COL21A1: variants seen among roughly 807,000 people sequenced by gnomAD.
The protein encoded by COL21A1 is collagen type XXI alpha 1 chain.
COL21A1 carries 149 observed loss-of-function variants against 137.9 expected under a neutral mutation model. The ratio of observed to expected loss-of-function variants is 1.08; its 90% CI spans 0.95 to 1.24. The LOEUF (loss-of-function observed/expected upper bound fraction) is 1.24. Among genes scored for constraint, COL21A1 ranks in the 50% most tolerant of loss-of-function variants. The pLI is 0.00. For synonymous variants in COL21A1, 456 were observed against 391.5 expected, an observed-to-expected ratio of 1.16 and a Z score of -1.95; for missense variants, 1,167 against 1,158.4, an observed-to-expected ratio of 1.01 and a Z score of -0.11.
chr6:56,107,477 G>A (rs1771055890), intron 16 of COL21A1, among the ~76,000 whole-genome samples: 1 of 151,898 alleles, frequency 6.6e-6, no homozygotes, highest in African/African-American at 2.4e-5. Flanking sequence ...TGGAGTAACT[G>A]GGATTTTAAA....
intron 16 of COL21A1, among the ~76,000 whole-genome samples, chr6:56,108,594 T>G (rs1299098037): frequency 1.3e-5 from 2 of 151,858 alleles, no homozygotes; most frequent in Non-Finnish European, 2.9e-5. Context: ...ACGTAGAAAC[T>G]ACATTCATGA....
chr6:56,317,844 G>C (rs182639905), intron 1 of COL21A1, among the ~76,000 whole-genome samples: 1 of 151,908 alleles, frequency 6.6e-6, no homozygotes. Flanking sequence ...TTGATCTCTT[G>C]GAGTATTTTT....
At chr6:56,193,207 T>A (rs915849870) in intron 1 of COL21A1, among the ~76,000 whole-genome samples, 3 of 152,098 alleles carry the variant, frequency 2.0e-5, no homozygotes, top group African/African-American at 7.2e-5. Flanking sequence ...AAATTCCCAA[T>A]GTAGGTGACA....
At chr6:56,353,521 T>G (rs935878315) in intron 1 of COL21A1, among the ~76,000 whole-genome samples, 1 of 152,140 alleles carries the variant, frequency 6.6e-6, no homozygotes, top group African/African-American at 2.4e-5. Flanking sequence ...AGACCCTGAA[T>G]GGGAACCAGC....
rs187884983 is a variant in COL21A1 at position 56,342,132 on chromosome 6, G to C, written c.-39+51839C>G. 1.1e-3 allele frequency among the ~76,000 whole-genome samples: 170 copies of C among 152,212 alleles called. 1 individual carries two copies. The highest frequency in any genetic ancestry group is 4.0e-3 in the African/African-American group (167 of 41,530). ...GGTTTGGAAGTTCTGCTTATACATT[G>C]TAATTTGTGGTTCTAGCTTTTGCAA... is the stretch of plus-strand genomic sequence containing the variant. On this transcript the variant is annotated intron_variant, in intron 1 of 28. Coordinates refer to the COL21A1 transcript ENST00000370819.
At chr6:56,160,641 T>C (rs1278980710) in intron 9 of COL21A1, among the ~76,000 whole-genome samples, 1 of 152,222 alleles carries the variant, frequency 6.6e-6, no homozygotes. Context: ...TTCAAAAATA[T>C]GTACTCAGCT....
chr6:56,281,116 C>G (rs527738867), intron 1 of COL21A1, among the ~76,000 whole-genome samples: 13 of 152,168 alleles, frequency 8.5e-5, no homozygotes, highest in Non-Finnish European at 1.9e-4. Flanking sequence ...CATCTCAAAC[C>G]CCTGTCTTCC....
intron 1 of COL21A1, among the ~76,000 whole-genome samples, chr6:56,348,058 G>C (rs6900004): frequency 6.6e-6 from 1 of 152,102 alleles, no homozygotes; most frequent in Non-Finnish European, 1.5e-5. Context: ...GGAGGAATAC[G>C]CAGTCACATG....
chr6:56,386,052 C>T (rs372795432), intron 1 of COL21A1, among the ~76,000 whole-genome samples: 2 of 152,246 alleles, frequency 1.3e-5, no homozygotes, highest in South Asian at 2.1e-4. Context: ...AGCTGTTTTA[C>T]ATAACATTCC....
At chr6:56,147,973 C>T (rs1158007476) in intron 10 of COL21A1, among the ~76,000 whole-genome samples, 1 of 152,064 alleles carries the variant, frequency 6.6e-6, no homozygotes, top group African/African-American at 2.4e-5. Flanking sequence ...ATTCAGTAAA[C>T]CCTCCCTCAT....
intron 17 of COL21A1, among the ~76,000 whole-genome samples, chr6:56,096,062 G>T (rs1426212165): frequency 3.3e-5 from 5 of 152,002 alleles, no homozygotes; most frequent in Admixed American, 2.6e-4. Context: ...TGCCAGGCTG[G>T]TCTCAAACTC....
At chr6:56,298,173 C>T (rs1310392478) in intron 1 of COL21A1, among the ~76,000 whole-genome samples, 1 of 151,356 alleles carries the variant, frequency 6.6e-6, no homozygotes, top group African/African-American at 2.4e-5. Context: ...GGCGCCAAGT[C>T]CAATGGTGAA....
intron 12 of COL21A1, among the ~76,000 whole-genome samples, chr6:56,137,529 G>A (rs1774091195): frequency 6.6e-6 from 1 of 152,066 alleles, no homozygotes; most frequent in Admixed American, 6.6e-5. Context: ...TTCCATTTGG[G>A]GTTTGGGATT....
At chr6:56,339,902 C>T (rs1392589895) in intron 1 of COL21A1, among the ~76,000 whole-genome samples, 1 of 152,066 alleles carries the variant, frequency 6.6e-6, no homozygotes, top group Non-Finnish European at 1.5e-5. Context: ...TAAATGCAAG[C>T]AGCTAGTCAC....
At chr6:56,352,571 G>C (rs1765734742) in intron 1 of COL21A1, among the ~76,000 whole-genome samples, 1 of 151,914 alleles carries the variant, frequency 6.6e-6, no homozygotes. Flanking sequence ...AGTTGAAGAA[G>C]GGGAGATTAA....
intron 17 of COL21A1, among the ~76,000 whole-genome samples, chr6:56,088,450 T>C (rs988789416): frequency 3.3e-5 from 5 of 152,210 alleles, no homozygotes; most frequent in African/African-American, 9.6e-5. Flanking sequence ...ACATAAAAGC[T>C]GAATTTTCAA....
At chr6:56,161,456 C>T (rs756051076) in intron 9 of COL21A1, among the ~76,000 whole-genome samples, 2 of 151,936 alleles carry the variant, frequency 1.3e-5, no homozygotes, top group South Asian at 2.1e-4. Context: ...AACAGAAGCG[C>T]GTTCCATATA....
chr6:56,290,504 T>TTTTTG (rs1387173903), intron 1 of COL21A1, among the ~76,000 whole-genome samples: 2 of 147,474 alleles, frequency 1.4e-5, no homozygotes, highest in African/African-American at 2.5e-5. Context: ...AGGAGATTTT[T>TTTTTG]TTTTTTTTTT....
At chr6:56,090,641 T>C (rs1768719178) in intron 17 of COL21A1, among the ~76,000 whole-genome samples, 1 of 152,088 alleles carries the variant, frequency 6.6e-6, no homozygotes, top group Non-Finnish European at 1.5e-5. Context: ...ATTATAAGAG[T>C]TATTCTCAAT....
Sources: allele counts gnomAD v4.1 joint callset (sites outside exome capture counted in the v4.1 genomes callset), GRCh38; gene constraint gnomAD v4.1.1; transcripts MANE v1.5; gene names NCBI Gene and HGNC (gene_info 2026-07-23, HGNC 2026-07-21).